RABGAP1L: variants seen among roughly 807,000 people sequenced by gnomAD.
RABGAP1L encodes the protein RAB GTPase activating protein 1 like, also known as rab GTPase-activating protein 1-like.
Under a neutral mutation model 137.7 loss-of-function variants are expected in RABGAP1L, and 63 were observed. That is an observed-to-expected ratio of 0.46 (90% confidence interval 0.37 to 0.56). The LOEUF (loss-of-function observed/expected upper bound fraction) is 0.56, where lower values mean the gene tolerates loss of function less well. Ranked by LOEUF, RABGAP1L falls within the 20% of genes least tolerant of loss-of-function variation. RABGAP1L has a pLI of 0.00. For synonymous variants in RABGAP1L, 431 were observed against 433.7 expected, an observed-to-expected ratio of 0.99 and a Z score of 0.08; for missense variants, 1,095 against 1,244.0, an observed-to-expected ratio of 0.88 and a Z score of 1.80.
chr1:174,944,937 C>T (rs1666495385), intron 19 of RABGAP1L, among the ~76,000 whole-genome samples: 1 of 152,158 alleles, frequency 6.6e-6, no homozygotes, highest in Non-Finnish European at 1.5e-5. Context: ...CATGTATTTA[C>T]TTTTGATCTA....
chr1:174,614,189 C>G (rs937750770), intron 13 of RABGAP1L, among the ~76,000 whole-genome samples: 16 of 152,252 alleles, frequency 1.1e-4, no homozygotes, highest in African/African-American at 3.9e-4. Flanking sequence ...TTTGCAGTGG[C>G]TGGTACCGGT....
At chr1:174,211,801 A>G (rs1668911988) in intron 1 of RABGAP1L, among the ~76,000 whole-genome samples, 1 of 152,190 alleles carries the variant, frequency 6.6e-6, no homozygotes, top group Admixed American at 6.5e-5. Flanking sequence ...TTCCATGTCA[A>G]TGGAAACCAA....
chr1:174,430,861 A>G (rs1482635124), intron 13 of RABGAP1L, among the ~76,000 whole-genome samples: 2 of 152,216 alleles, frequency 1.3e-5, no homozygotes, highest in East Asian at 1.9e-4. Context: ...CATAAAGACA[A>G]GAGCATGAGT....
chr1:174,893,157 G>A, intron 19 of RABGAP1L: 1 of 206,242 alleles, frequency 4.8e-6, no homozygotes. Flanking sequence ...GCTTTATACT[G>A]ATATTAGTGA....
At position 174,241,566 on chromosome 1, in the gene RABGAP1L, C is replaced by T. The variant is rs537847739; in HGVS notation, c.626C>T (p.Thr209Ile). Reference sequence around the variant, plus strand: ...TTCTGTGCACGTGGACATGACGGAACAACAGAGAGCAATTGCTTTGCATTT... The same window carrying T: ...TTCTGTGCACGTGGACATGACGGAATAACAGAGAGCAATTGCTTTGCATTT... ...VLFCARGHDG[T>I]TESNCFAFTE... The change falls in exon 5 of 26, where the codon ACA (threonine) becomes ATA (isoleucine). Residue 209 changes from threonine (T) to isoleucine (I), a missense_variant. Around this residue, in one of 4 missense-constraint regions of RABGAP1L, gnomAD observed 356 missense variants for 326.3 expected, o/e 1.09. Coordinates refer to ENST00000681986, the MANE Select transcript of RABGAP1L (RefSeq NM_001366446.1). 1.2e-5 allele frequency: 20 copies of T among 1,613,328 alleles called. No individual in the cohort carries two copies. In the East Asian group the frequency reaches 4.0e-4, roughly 32 times the overall value.
intron 13 of RABGAP1L, among the ~76,000 whole-genome samples, chr1:174,602,453 AC>A (rs1670485421): frequency 1.3e-5 from 2 of 152,134 alleles, no homozygotes; most frequent in Admixed American, 1.3e-4. Context: ...GAAAGACCAC[AC>A]CCCCATGATT....
At chr1:174,966,068 AT>A (rs1263090887) in intron 20 of RABGAP1L, among the ~76,000 whole-genome samples, 1 of 152,198 alleles carries the variant, frequency 6.6e-6, no homozygotes, top group Non-Finnish European at 1.5e-5. Context: ...ACCTGGTATG[AT>A]TTCTAAATAC....
chr1:174,765,599 A>AT (rs754181726), intron 18 of RABGAP1L, among the ~76,000 whole-genome samples: 298 of 144,598 alleles, frequency 2.1e-3, no homozygotes, highest in African/African-American at 2.4e-3. Flanking sequence ...TGTCCAGCAA[A>AT]TTTTTTTTTT....
chr1:174,982,941 T>G, intron 24 of RABGAP1L, 36 bp downstream of exon 24: 2 of 1,545,214 alleles, frequency 1.3e-6, no homozygotes, highest in Non-Finnish European at 8.8e-7. Context: ...AAAATTTATT[T>G]CAAAGTCACA....
chr1:174,267,182 A>C (rs1674145114), intron 7 of RABGAP1L, among the ~76,000 whole-genome samples: 1 of 152,212 alleles, frequency 6.6e-6, no homozygotes, highest in African/African-American at 2.4e-5. Context: ...AATAGTAATT[A>C]TAAGGAGACT....
intron 13 of RABGAP1L, among the ~76,000 whole-genome samples, chr1:174,417,276 T>C (rs1453567132): frequency 6.6e-6 from 1 of 152,124 alleles, no homozygotes; most frequent in Non-Finnish European, 1.5e-5. Context: ...TGTGGCCCAT[T>C]GGGGATTAAT....
chr1:174,476,222 A>G (rs1658491715), intron 13 of RABGAP1L, among the ~76,000 whole-genome samples: 1 of 152,236 alleles, frequency 6.6e-6, no homozygotes, highest in Non-Finnish European at 1.5e-5. Flanking sequence ...ATGTAAAACT[A>G]TCAAATGCTC....
chr1:174,940,313 G>A (rs2149289063), intron 19 of RABGAP1L, among the ~76,000 whole-genome samples: 1 of 150,104 alleles, frequency 6.7e-6, no homozygotes, highest in Non-Finnish European at 1.5e-5. Flanking sequence ...CACCCAGGCT[G>A]GAATGCAGTT....
intron 13 of RABGAP1L, among the ~76,000 whole-genome samples, chr1:174,403,396 T>G (rs563503708): frequency 6.6e-6 from 1 of 152,130 alleles, no homozygotes; most frequent in East Asian, 1.9e-4. Flanking sequence ...ATTTAAGTGC[T>G]AGTGTTTGAT....
At chr1:174,562,768 A>T (rs1263436740) in intron 13 of RABGAP1L, among the ~76,000 whole-genome samples, 1 of 152,030 alleles carries the variant, frequency 6.6e-6, no homozygotes, top group African/African-American at 2.4e-5. Context: ...AAAACCAAAC[A>T]CCGCATGTTC....
chr1:174,247,925 C>T (rs538431449), intron 5 of RABGAP1L, among the ~76,000 whole-genome samples: 82 of 149,330 alleles, frequency 5.5e-4, no homozygotes, highest in African/African-American at 1.8e-3. Flanking sequence ...GCCTATTAAA[C>T]TCCCTGCTCC....
chr1:174,907,964 G>T (rs894846131), intron 19 of RABGAP1L, among the ~76,000 whole-genome samples: 10 of 152,174 alleles, frequency 6.6e-5, no homozygotes, highest in Non-Finnish European at 1.5e-4. Flanking sequence ...TAATGTGAAG[G>T]GGTTGGGAAA....
chr1:174,258,879 G>A (rs1673341362), intron 7 of RABGAP1L, among the ~76,000 whole-genome samples: 1 of 151,994 alleles, frequency 6.6e-6, no homozygotes, highest in Admixed American at 6.6e-5. Flanking sequence ...CTGGGGTCAG[G>A]CTATCCTCCT....
At chr1:174,967,159 C>G (rs1379711556) in intron 20 of RABGAP1L, among the ~76,000 whole-genome samples, 1 of 149,884 alleles carries the variant, frequency 6.7e-6, no homozygotes, top group Non-Finnish European at 1.5e-5. Flanking sequence ...ATTATATTTT[C>G]TTTCTTTCTT....
Sources: gnomAD v4.1 joint callset for allele counts (sites outside exome capture counted in the v4.1 genomes callset) on GRCh38, gnomAD v4.1.1 for gene constraint, gnomAD v4.1.1 regional missense constraint, MANE v1.5 for transcripts, NCBI Gene and HGNC (gene_info 2026-07-23, HGNC 2026-07-21) for gene names.